The following ATOSA variants were observed in gnomAD, a reference collection of about 807,000 sequenced individuals.
ATOSA encodes the protein atos homolog A, also known as atos homolog protein A.
chr15:52,629,488 A>G, the ATOSA span, among the ~76,000 whole-genome samples: 3 of 150,426 alleles, frequency 2.0e-5, no homozygotes, highest in African/African-American at 7.4e-5. Context: ...AAAAATCCTC[A>G]GTGGAGGTAA....
the ATOSA span, among the ~76,000 whole-genome samples, chr15:52,619,160 A>G: frequency 6.6e-6 from 1 of 152,226 alleles, no homozygotes; most frequent in Non-Finnish European, 1.5e-5. Flanking sequence ...AACTTTTAGA[A>G]ATTTGTCAAG....
At chr15:52,617,127 T>A in the ATOSA span, among the ~76,000 whole-genome samples, 1 of 152,212 alleles carries the variant, frequency 6.6e-6, no homozygotes, top group Admixed American at 6.5e-5. Context: ...GCACTGTGAC[T>A]CTATTTGGAA....
the ATOSA span, among the ~76,000 whole-genome samples, chr15:52,619,764 T>C: frequency 1.3e-5 from 2 of 151,284 alleles, no homozygotes; most frequent in African/African-American, 4.9e-5. Context: ...CCAGGAGGTG[T>C]AGGTTGCAGT....
chr15:52,684,364 T>C, the ATOSA span, among the ~76,000 whole-genome samples: 12 of 152,156 alleles, frequency 7.9e-5, no homozygotes, highest in African/African-American at 2.9e-4. Flanking sequence ...GGGAGACCAC[T>C]GTCTCTATAA....
At chr15:52,640,469 G>A in the ATOSA span, among the ~76,000 whole-genome samples, 14 of 149,110 alleles carry the variant, frequency 9.4e-5, no homozygotes, top group Admixed American at 1.4e-4. Context: ...TACTTGGGAG[G>A]CTGAAGCATG....
chr15:52,686,598 C>A, the ATOSA span, among the ~76,000 whole-genome samples: 2 of 152,164 alleles, frequency 1.3e-5, no homozygotes, highest in Non-Finnish European at 2.9e-5. Context: ...ACTTGTAGTA[C>A]CTTTTTGATA....
the ATOSA span, among the ~76,000 whole-genome samples, chr15:52,583,888 A>G: frequency 6.6e-6 from 1 of 152,072 alleles, no homozygotes. Context: ...AGCTTTGGGG[A>G]GAATAATTAA....
chr15:52,620,705 T>C, the ATOSA span, among the ~76,000 whole-genome samples: 36 of 152,292 alleles, frequency 2.4e-4, no homozygotes, highest in East Asian at 1.9e-3. Flanking sequence ...TCCCAGCATA[T>C]TGGGAGGCTG....
chr15:52,650,507 T>C, the ATOSA span, among the ~76,000 whole-genome samples: 1 of 152,180 alleles, frequency 6.6e-6, no homozygotes, highest in Non-Finnish European at 1.5e-5. Flanking sequence ...ATACAAATGT[T>C]ATATACATAG....
At chr15:52,600,193 A>G in the ATOSA span, 1 of 1,612,124 alleles carries the variant, frequency 6.2e-7, no homozygotes, top group Non-Finnish European at 8.5e-7. Context: ...ATGGTTTTTC[A>G]TGAATATCTG....
chr15:52,627,759 A>C, the ATOSA span, among the ~76,000 whole-genome samples: 3 of 152,194 alleles, frequency 2.0e-5, no homozygotes, highest in African/African-American at 7.2e-5. Context: ...ATTTTAATTA[A>C]GAGTTGTTAA....
At chr15:52,582,633 T>C in the ATOSA span, among the ~76,000 whole-genome samples, 1 of 152,198 alleles carries the variant, frequency 6.6e-6, no homozygotes, top group Non-Finnish European at 1.5e-5. Flanking sequence ...ATCTGCAGGT[T>C]CACGTGGCAG....
chr15:52,595,669 G>C, the ATOSA span, among the ~76,000 whole-genome samples: 2 of 152,118 alleles, frequency 1.3e-5, no homozygotes, highest in African/African-American at 4.8e-5. Flanking sequence ...TGAGTGAGTT[G>C]AGCAAGATCA....
At chr15:52,671,178 A>G in the ATOSA span, among the ~76,000 whole-genome samples, 1 of 152,226 alleles carries the variant, frequency 6.6e-6, no homozygotes, top group African/African-American at 2.4e-5. Flanking sequence ...GCCTACTTTT[A>G]AGATATTTTA....
the ATOSA span, chr15:52,608,534 G>A: frequency 6.6e-7 from 1 of 1,517,662 alleles, no homozygotes; most frequent in Non-Finnish European, 8.8e-7. Context: ...ACAAATATTT[G>A]AGACTTACAT....
the ATOSA span, among the ~76,000 whole-genome samples, chr15:52,684,161 A>G: frequency 6.6e-6 from 1 of 152,256 alleles, no homozygotes; most frequent in Non-Finnish European, 1.5e-5. Flanking sequence ...TACAGTAGCT[A>G]TAGTCATCTG....
chr15:52,697,714 A>AT, the ATOSA span, among the ~76,000 whole-genome samples: 4 of 152,160 alleles, frequency 2.6e-5, no homozygotes, highest in African/African-American at 2.4e-5. Context: ...CATTAAAAAA[A>AT]AAAGATTTCT....
At chr15:52,626,465 C>G in the ATOSA span, among the ~76,000 whole-genome samples, 2 of 148,662 alleles carry the variant, frequency 1.3e-5, no homozygotes, top group South Asian at 4.2e-4. Flanking sequence ...TAAAACTAAA[C>G]TTGATCCCTT....
chr15:52,656,221 A>G, the ATOSA span: 2 of 152,148 alleles, frequency 1.3e-5, no homozygotes, highest in South Asian at 4.1e-4. Context: ...GTTAAAATAT[A>G]ACATTATTAA....
Sources: gnomAD v4.1 joint callset for allele counts (sites outside exome capture counted in the v4.1 genomes callset) on GRCh38, gnomAD v4.1.1 for gene constraint, MANE v1.5 for transcripts, NCBI Gene and HGNC (gene_info 2026-07-23, HGNC 2026-07-21) for gene names.